Variants in PRKCE observed in about 807,000 individuals in gnomAD.
PRKCE encodes the protein protein kinase C epsilon.
Under a neutral mutation model 85.4 loss-of-function variants are expected in PRKCE, and 16 were observed. That is an observed-to-expected ratio of 0.19 (90% CI 0.13 to 0.28). PRKCE has a LOEUF of 0.28. Among genes scored for constraint, PRKCE ranks in the 10% least tolerant of loss-of-function variants. The probability of loss-of-function intolerance (pLI) is 1.00; values close to 1 mark genes in which losing one functional copy is unlikely to be tolerated. For synonymous variants in PRKCE, 388 were observed against 371.5 expected, an observed-to-expected ratio of 1.04 and a Z score of -0.51; for missense variants, 573 against 975.2, an observed-to-expected ratio of 0.59 and a Z score of 5.49.
chr2:45,668,475 T>C (rs1018048299), intron 1 of PRKCE, among the ~76,000 whole-genome samples: 2 of 152,180 alleles, frequency 1.3e-5, no homozygotes, highest in Admixed American at 1.3e-4. Context: ...CGACAGTTAC[T>C]TGGGGCTAGG....
chr2:45,881,799 G>A (rs1483037337), intron 2 of PRKCE, among the ~76,000 whole-genome samples: 1 of 152,142 alleles, frequency 6.6e-6, no homozygotes, highest in African/African-American at 2.4e-5. Flanking sequence ...CTTTACTATT[G>A]AGGGAACGAG....
At chr2:45,718,407 T>G (rs991621906) in intron 1 of PRKCE, among the ~76,000 whole-genome samples, 2 of 147,316 alleles carry the variant, frequency 1.4e-5, no homozygotes, top group Admixed American at 7.0e-5. Flanking sequence ...TGCAGTGGCG[T>G]GATCTCGGCT....
At chr2:45,798,285 A>G (rs1687594625) in intron 1 of PRKCE, among the ~76,000 whole-genome samples, 1 of 152,226 alleles carries the variant, frequency 6.6e-6, no homozygotes, top group Non-Finnish European at 1.5e-5. Context: ...CATATAAGCT[A>G]GGTTTTATTA....
In PRKCE at chr2:45,778,031, G is replaced by A. The variant is rs530619701; in HGVS notation, c.349-64969G>A. Among the ~76,000 whole-genome samples the A allele has an allele frequency of 5.3e-5, 8 of 151,818 alleles. No homozygotes were observed. In the East Asian group the frequency reaches 1.4e-3, roughly 26 times the overall value. On this transcript the variant is annotated intron_variant, in intron 1 of 14. Transcript: ENST00000306156. ...TGCAGAGAAAACCCAGAGGACTGGA[G>A]GGTGGGCTTTGGGAGGAGCAAGTCA...
chr2:45,980,013 A>C (rs151293453), intron 4 of PRKCE, among the ~76,000 whole-genome samples: 23 of 152,234 alleles, frequency 1.5e-4, no homozygotes, highest in South Asian at 4.1e-4. Context: ...TGGCGTATTG[A>C]AGTGAGAAAA....
At chr2:46,051,869 C>T (rs1574337403) in intron 10 of PRKCE, among the ~76,000 whole-genome samples, 1 of 152,258 alleles carries the variant, frequency 6.6e-6, no homozygotes, top group Non-Finnish European at 1.5e-5. Flanking sequence ...GGCACCTCTT[C>T]AGAGGGCAGC....
chr2:46,037,813 G>C (rs1489262271), intron 10 of PRKCE, among the ~76,000 whole-genome samples: 2 of 152,192 alleles, frequency 1.3e-5, no homozygotes, highest in African/African-American at 4.8e-5. Flanking sequence ...CAGAAGCCCA[G>C]CTCTAGCAAA....
intron 2 of PRKCE, among the ~76,000 whole-genome samples, chr2:45,919,204 C>T (rs1382534394): frequency 6.6e-6 from 1 of 152,196 alleles, no homozygotes; most frequent in Non-Finnish European, 1.5e-5. Flanking sequence ...ATGAATTGGG[C>T]TCTTGGGCTG....
intron 10 of PRKCE, among the ~76,000 whole-genome samples, chr2:46,084,817 G>A (rs549084238): frequency 6.6e-6 from 1 of 151,322 alleles, no homozygotes; most frequent in African/African-American, 2.4e-5. Flanking sequence ...GATCTGGTCA[G>A]TTTACTGGCC....
At chr2:45,783,917 C>T (rs945966781) in intron 1 of PRKCE, among the ~76,000 whole-genome samples, 4 of 152,186 alleles carry the variant, frequency 2.6e-5, no homozygotes, top group Non-Finnish European at 5.9e-5. Context: ...ACTGCTGCAG[C>T]CTCCATTCAT....
intron 10 of PRKCE, among the ~76,000 whole-genome samples, chr2:46,061,180 G>T (rs1243947764): frequency 1.3e-5 from 2 of 148,936 alleles, no homozygotes; most frequent in South Asian, 4.3e-4. Flanking sequence ...CATGATCAGG[G>T]CTCGCTGCAG....
chr2:46,018,635 A>G (rs1332196086), intron 10 of PRKCE, among the ~76,000 whole-genome samples: 1 of 152,270 alleles, frequency 6.6e-6, no homozygotes, highest in African/African-American at 2.4e-5. Context: ...AAGTCACAAG[A>G]GGACAAAAAA....
chr2:46,136,593 C>T (rs984935168), intron 11 of PRKCE, among the ~76,000 whole-genome samples: 6 of 152,096 alleles, frequency 3.9e-5, no homozygotes, highest in Non-Finnish European at 5.9e-5. Flanking sequence ...TGATGATACC[C>T]GCTGCCCAGG....
intron 2 of PRKCE, among the ~76,000 whole-genome samples, chr2:45,855,084 T>C (rs886318666): frequency 6.6e-6 from 1 of 152,230 alleles, no homozygotes; most frequent in Non-Finnish European, 1.5e-5. Flanking sequence ...GAGGGCTGTA[T>C]TGGATAATTG....
At chr2:46,006,400 G>A (rs534352053) in intron 8 of PRKCE, among the ~76,000 whole-genome samples, 51 of 152,230 alleles carry the variant, frequency 3.4e-4, no homozygotes, top group African/African-American at 9.9e-4. Flanking sequence ...AGCTTTCCCC[G>A]TCTTCACCCT....
intron 2 of PRKCE, among the ~76,000 whole-genome samples, chr2:45,972,565 A>C (rs530199555): frequency 6.6e-6 from 1 of 152,230 alleles, no homozygotes; most frequent in South Asian, 2.1e-4. Context: ...GTTTTCCCCT[A>C]TGTTTTCTTC....
intron 14 of PRKCE, among the ~76,000 whole-genome samples, chr2:46,175,288 T>A (rs1313855802): frequency 3.3e-5 from 5 of 152,186 alleles, no homozygotes; most frequent in African/African-American, 1.2e-4. Flanking sequence ...GCAGGGGAGA[T>A]AAATGCACAC....
intron 2 of PRKCE, among the ~76,000 whole-genome samples, chr2:45,902,427 C>T (rs1696648422): frequency 6.6e-6 from 1 of 152,218 alleles, no homozygotes. Flanking sequence ...ATATTGCCCA[C>T]AGGTAGCTCC....
rs749483661 is a variant in PRKCE, at chr2:45,697,969, C to T, written c.348+45521C>T. 18 of 152,638 alleles carry T rather than the reference C, an allele frequency of 1.2e-4. No homozygotes were observed. Among genetic ancestry groups the T allele is most frequent in the Non-Finnish European group, 2.5e-4 (17 of 68,042 alleles). The allele number at this position is 152,638 out of a possible 1,614,324, so 9.5% of individuals were successfully genotyped here. ...GGGTGAATGGAAAGCAGCCCTTTGA[C>T]AGAAGAAAGACAGAGACCAGTTTCC... On this transcript the variant is annotated intron_variant, in intron 1 of 14. Coordinates refer to ENST00000306156, the MANE Select transcript of PRKCE (RefSeq NM_005400.3). This position sits in a 1 kb window ranked among gnomAD's most constrained non-coding sequence, Gnocchi z 4.2.
Sources: gnomAD v4.1 joint callset for allele counts (sites outside exome capture counted in the v4.1 genomes callset) on GRCh38, gnomAD v4.1.1 for gene constraint, Gnocchi (gnomAD v3.1) non-coding constraint, MANE v1.5 for transcripts, NCBI Gene and HGNC (gene_info 2026-07-23, HGNC 2026-07-21) for gene names.